Variants in SNAP23 observed in about 807,000 individuals in gnomAD.
SNAP23 encodes synaptosome associated protein 23, also known as synaptosomal-associated protein 23.
A neutral mutation model predicts 29.0 loss-of-function variants in SNAP23; 11 were observed. That is an observed-to-expected ratio of 0.38 (90% confidence interval 0.24 to 0.63). The LOEUF (loss-of-function observed/expected upper bound fraction) is 0.63. SNAP23 is among the 20% of genes least tolerant of loss of function. The probability of loss-of-function intolerance (pLI) is 0.58; values close to 1 mark genes in which losing one functional copy is unlikely to be tolerated. For synonymous variants in SNAP23, 60 were observed against 82.9 expected (o/e 0.72, Z 1.50); for missense variants, 220 against 253.9 (o/e 0.87, Z 0.91).
chr15:42,521,344 C>G (rs1224370401), intron 5 of SNAP23: 1 of 520,300 alleles, frequency 1.9e-6, no homozygotes, highest in African/African-American at 2.1e-5. Context: ...TTTGCCTTCT[C>G]TCATATTGTC....
chr15:42,493,967 G>A (rs555078926), upstream of SNAP23, among the ~76,000 whole-genome samples: 8 of 151,820 alleles, frequency 5.3e-5, no homozygotes, highest in South Asian at 1.2e-3. Flanking sequence ...ATTCTTACCA[G>A]TGTTTCGAAC....
At chr15:42,512,129 T>C (rs1431350509) in intron 2 of SNAP23, 3 of 293,940 alleles carry the variant, frequency 1.0e-5, no homozygotes, top group Non-Finnish European at 1.9e-5. Context: ...TTATTAATAT[T>C]ACTTAAGTGT....
At chr15:42,493,367 C>T (rs1185701313), upstream of SNAP23, among the ~76,000 whole-genome samples, 2 of 150,186 alleles carry the variant, frequency 1.3e-5, no homozygotes, top group African/African-American at 2.5e-5. Context: ...TATATATATA[C>T]ATATATGTGT....
intron 5 of SNAP23, chr15:42,521,528 G>A: frequency 1.3e-6 from 2 of 1,490,774 alleles, no homozygotes; most frequent in Non-Finnish European, 1.8e-6. Context: ...ACCTGCTTCT[G>A]TTCTGTTTGA....
At chr15:42,507,317 G>A (rs1421428513) in intron 1 of SNAP23, among the ~76,000 whole-genome samples, 1 of 152,144 alleles carries the variant, frequency 6.6e-6, no homozygotes, top group African/African-American at 2.4e-5. Context: ...TGCCTAAGAG[G>A]TACTCAGTGA....
intron 7 of SNAP23, 66 bp downstream of exon 7, chr15:42,529,885 G>C: frequency 1.3e-6 from 2 of 1,534,026 alleles, no homozygotes; most frequent in Non-Finnish European, 1.8e-6. Context: ...ATAGACATCT[G>C]TGCTAGATAC....
chr15:42,492,328 T>G (rs915860123), upstream of SNAP23, among the ~76,000 whole-genome samples: 1 of 152,146 alleles, frequency 6.6e-6, no homozygotes, highest in African/African-American at 2.4e-5. Flanking sequence ...GGAGTGTCCC[T>G]CCTATATTAT....
At chr15:42,527,118 G>GT (rs1220376760) in intron 5 of SNAP23, among the ~76,000 whole-genome samples, 1 of 152,132 alleles carries the variant, frequency 6.6e-6, no homozygotes, top group Non-Finnish European at 1.5e-5. Flanking sequence ...GATTACCGGT[G>GT]TGAGCTACTG....
intron 1 of SNAP23, among the ~76,000 whole-genome samples, chr15:42,498,789 C>A (rs906176627): frequency 1.3e-5 from 2 of 152,146 alleles, no homozygotes; most frequent in African/African-American, 4.8e-5. Flanking sequence ...AAGAGAAACA[C>A]CTTACATTGC....
rs1228292262 is a variant in SNAP23 at position 42,515,354 on chromosome 15, G to A, written c.266G>A (p.Arg89Lys). ...GGCCTTTGTGTCTGCCCATGTAATA[G>A]GTGAGTTGATAAATTAAGATGGTTT... is the stretch of plus-strand genomic sequence containing the variant. ...CCGLCVCPCN[R>K]TKNFESGKAY... is the part of the protein sequence containing the mutation. The change falls in exon 5 of 8, where the codon AGA becomes AAA. Residue 89 changes from arginine to lysine, a missense_variant and splice_region_variant. Transcript: ENST00000249647. 2 of 1,559,410 alleles carry A rather than the reference G, an allele frequency of 1.3e-6. No individual in the cohort carries two copies. Among genetic ancestry groups the A allele is most frequent in the Non-Finnish European group, 1.8e-6 (2 of 1,137,202 alleles).
intron 1 of SNAP23, among the ~76,000 whole-genome samples, chr15:42,510,233 T>G (rs954734810): frequency 2.0e-5 from 3 of 152,254 alleles, no homozygotes; most frequent in Middle Eastern, 3.4e-3. Flanking sequence ...CCTCCTGGAC[T>G]CAAGCAATCC....
intron 5 of SNAP23, among the ~76,000 whole-genome samples, chr15:42,519,052 CTTCTT>C (rs1461303176): frequency 3.7e-5 from 5 of 136,784 alleles, no homozygotes; most frequent in African/African-American, 1.6e-4. Context: ...TTTGTTTCTT[CTTCTT>C]TTTTTTTTTT....
chr15:42,510,008 G>A (rs1024966031), intron 1 of SNAP23, among the ~76,000 whole-genome samples: 3 of 152,124 alleles, frequency 2.0e-5, no homozygotes, highest in South Asian at 2.1e-4. Context: ...GGCAGAAGGT[G>A]CAGTGAGTCA....
chr15:42,519,130 C>T (rs112946072), intron 5 of SNAP23, among the ~76,000 whole-genome samples: 7,090 of 150,360 alleles, frequency 0.047, 565 homozygotes, highest in African/African-American at 0.16. Context: ...TCTCAGTTCA[C>T]TGCAACCTCT....
chr15:42,527,163 T>A (rs1595530567), intron 5 of SNAP23, among the ~76,000 whole-genome samples: 1 of 152,102 alleles, frequency 6.6e-6, no homozygotes, highest in East Asian at 1.9e-4. Context: ...AAGAGGAAAC[T>A]CTTAAATGAA....
At chr15:42,526,224 G>A (rs1358174545) in intron 5 of SNAP23, among the ~76,000 whole-genome samples, 1 of 152,118 alleles carries the variant, frequency 6.6e-6, no homozygotes, top group African/African-American at 2.4e-5. Flanking sequence ...CTCTGCTCTA[G>A]AATTTTGCCT....
At position 42,531,621 on chromosome 15, in the gene SNAP23, C is replaced by G; in HGVS notation, c.*143C>G. 5.5e-6 allele frequency: 3 copies of G among 544,482 alleles called. No homozygotes were observed. Among genetic ancestry groups the G allele is most frequent in the Non-Finnish European group, 9.5e-6 (3 of 317,440 alleles). The allele number at this position is 544,482 out of a possible 1,614,324, so 33.7% of individuals were successfully genotyped here. A position where few individuals can be genotyped will look rare whatever the true frequency, so the allele number is the denominator to read the frequency against. ...AAGAAGGGCCAGAGCAGTTACAGCC[C>G]TCCTTCTTTTTTGTTTTCTGTTGAG... is the stretch of plus-strand genomic sequence containing the variant. On this transcript the variant is annotated 3_prime_UTR_variant, in exon 8 of 8. Coordinates refer to ENST00000249647, the MANE Select transcript of SNAP23 (RefSeq NM_003825.4).
intron 1 of SNAP23, among the ~76,000 whole-genome samples, chr15:42,504,175 A>T (rs141538296): frequency 9.7e-4 from 147 of 151,738 alleles, no homozygotes; most frequent in African/African-American, 3.1e-3. Flanking sequence ...ACAAAAAAAA[A>T]AATAATAATA....
chr15:42,514,231 C>A (rs1480472906), intron 4 of SNAP23, among the ~76,000 whole-genome samples: 1 of 151,886 alleles, frequency 6.6e-6, no homozygotes, highest in Non-Finnish European at 1.5e-5. Flanking sequence ...TCCTCTACCT[C>A]CCACGTTCAA....
Sources: allele counts gnomAD v4.1 joint callset (sites outside exome capture counted in the v4.1 genomes callset), GRCh38; gene constraint gnomAD v4.1.1; transcripts MANE v1.5; gene names NCBI Gene and HGNC (gene_info 2026-07-23, HGNC 2026-07-21).